Variants in PAX6 observed in about 807,000 individuals in gnomAD.
PAX6 encodes the protein paired box protein Pax-6.
A neutral mutation model predicts 60.7 loss-of-function variants in PAX6; 7 were observed. That is an observed-to-expected ratio of 0.12 (90% CI 0.07 to 0.22). The LOEUF (loss-of-function observed/expected upper bound fraction) is 0.22. PAX6 is among the 10% of genes least tolerant of loss of function. The pLI, the probability that PAX6 is intolerant of heterozygous loss-of-function variation, is 1.00. For missense variants in PAX6, 355 were observed against 555.2 expected, an observed-to-expected ratio of 0.64 and a Z score of 3.62; for synonymous variants, 208 against 201.2, an observed-to-expected ratio of 1.03 and a Z score of -0.29.
intron 2 of PAX6, chr11:31,808,838 G>T (rs113366893): frequency 2.6e-5 from 4 of 152,220 alleles, no homozygotes; most frequent in Admixed American, 1.3e-4. Flanking sequence ...ATCGACACCC[G>T]GAAGCAGTCC....
chr11:31,790,039 A>T lies in PAX6; in HGVS notation c.1226-20T>A. On this transcript the variant is annotated intron_variant, in intron 13 of 13. Coordinates refer to ENST00000640368, the MANE Select transcript of PAX6 (RefSeq NM_001368894.2). Reference sequence around the variant, plus strand: ...TGAGTCCTAGAAGTGGATGAAAGAAATAGCCATGTAGATATTCCCTTTGAG... The same window carrying T: ...TGAGTCCTAGAAGTGGATGAAAGAATTAGCCATGTAGATATTCCCTTTGAG... 1 of 1,472,142 alleles carries T rather than the reference A, an allele frequency of 6.8e-7. No individual in the cohort carries two copies. The highest frequency in any genetic ancestry group is 9.4e-7 in the Non-Finnish European group (1 of 1,064,436). 91.2% of individuals were successfully genotyped at this position (1,472,142 alleles called of 1,614,324 possible).
intron 2 of PAX6, chr11:31,807,909 G>GA (rs57027121): frequency 0.044 from 6,045 of 136,554 alleles, 365 homozygotes; most frequent in African/African-American, 0.14. Flanking sequence ...TTTCCCAAAG[G>GA]AAAAAAAAAA....
Position 31,806,529 on chromosome 11 carries a change from A to T in PAX6, c.-51-67T>A, listed in dbSNP as rs1470882649. 4.0e-6 allele frequency: 5 copies of T among 1,239,454 alleles called. No individual in the cohort carries two copies. The Admixed American group carries it at 5.9e-5, about 15-fold the overall frequency. The allele number at this position is 1,239,454 out of a possible 1,614,324, so 76.8% of individuals were successfully genotyped here. On this transcript the variant is annotated intron_variant, in intron 3 of 13. Coordinates refer to ENST00000640368, the MANE Select transcript of PAX6 (RefSeq NM_001368894.2). ...TCAGGTAGGCCTGAACTCCCAACCGAGGTGGACCTGGGGCTAGGACAGGAG... is the reference window on the plus strand; with the variant it reads ...TCAGGTAGGCCTGAACTCCCAACCGTGGTGGACCTGGGGCTAGGACAGGAG...
At position 31,794,724 on chromosome 11, in the gene PAX6, A is replaced by C. The variant is rs3026383; in HGVS notation, c.630T>G (p.Asp210Glu). The C allele has an allele frequency of 1.2e-6, 2 of 1,614,118 alleles. 1 individual carries two copies. Among genetic ancestry groups the C allele is most frequent in the Admixed American group, 3.3e-5 (2 of 60,020 alleles). The change falls in exon 9 of 14, where the codon GAT becomes GAG. Residue 210 changes from aspartate to glutamate, a missense_variant. Asp to Glu is a conservative substitution (Grantham distance 45). Transcript: ENST00000640368. ...GAAGTCGCATTTGAGCCTCATCTGA[A>C]TCTTCTCCGTTGGAACTGATGGAGT... The part of the protein sequence containing the change: ...NTNSISSNGE[D>E]SDEAQMRLQL...
chr11:31,806,171 G>C, intron 4 of PAX6: 1 of 496,492 alleles, frequency 2.0e-6, no homozygotes, highest in South Asian at 3.4e-5. Context: ...AACTCGGGCG[G>C]GCTGTTCTTA....
intron 7 of PAX6, 121 bp from the exon 8 acceptor site, chr11:31,800,977 C>T: frequency 9.7e-7 from 1 of 1,031,108 alleles, no homozygotes; most frequent in Non-Finnish European, 1.5e-6. Flanking sequence ...CCCAGCCACC[C>T]CGGGACAGTG....
intron 4 of PAX6, 124 bp from the exon 5 acceptor site, chr11:31,802,958 G>C: frequency 1.0e-6 from 1 of 982,588 alleles, no homozygotes; most frequent in East Asian, 2.6e-5. Flanking sequence ...GAGGAGGAAG[G>C]GGAAGAGGAA....
At position 31,793,571 on chromosome 11, in the gene PAX6, G is replaced by A; in HGVS notation, c.959-18C>T. ...GGAGGAAACTGAGGGCAAGAGAAAT[G>A]ACAGTAGTCAGAGTGAGAGTCAGAG... On this transcript the variant is annotated intron_variant, in intron 11 of 13. Transcript: ENST00000640368. 2 of 1,613,560 alleles carry A rather than the reference G, an allele frequency of 1.2e-6. No individual in the cohort carries two copies. Among genetic ancestry groups the A allele is most frequent in the Middle Eastern group, 1.7e-4 (1 of 6,056 alleles).
At chr11:31,801,458 A>G in intron 7 of PAX6, 103 bp downstream of exon 7, 1 of 1,592,474 alleles carries the variant, frequency 6.3e-7, no homozygotes, top group Admixed American at 1.8e-5. Context: ...GAGCAGGGAG[A>G]GGACACAGAC....
chr11:31,802,577 C>G, intron 5 of PAX6, 127 bp downstream of exon 5: 1 of 816,962 alleles, frequency 1.2e-6, no homozygotes, highest in Non-Finnish European at 1.7e-6. Context: ...GGTGGGGGGA[C>G]TGGGGACTGG....
chr11:31,813,619 G>A (rs1957237543), upstream of PAX6, among the ~76,000 whole-genome samples: 1 of 152,068 alleles, frequency 6.6e-6, no homozygotes, highest in Non-Finnish European at 1.5e-5. Flanking sequence ...AATCAGAAAA[G>A]GCAAGGAGCG....
intron 8 of PAX6, among the ~76,000 whole-genome samples, chr11:31,796,280 G>A (rs1335018457): frequency 6.6e-6 from 1 of 152,126 alleles, no homozygotes; most frequent in Non-Finnish European, 1.5e-5. Context: ...AACTTTCGTG[G>A]GCAGAATTTT....
At chr11:31,790,117 A>AAAAAC in intron 13 of PAX6, 98 bp from the exon 14 acceptor site, 2 of 779,982 alleles carry the variant, frequency 2.6e-6, no homozygotes, top group East Asian at 2.7e-5. Flanking sequence ...AAAAAAAAAA[A>AAAAAC]AAACTAATAC....
chr11:31,812,210 A>C (rs909613203), upstream of PAX6: 6 of 88,866 alleles, frequency 6.8e-5, no homozygotes, highest in Non-Finnish European at 1.3e-4. Context: ...GCCCGAGAGG[A>C]GGGGAAGCCA....
chr11:31,816,580 G>T (rs4440995), intron 1 of PAX6: 1 of 702,478 alleles, frequency 1.4e-6, no homozygotes, highest in Non-Finnish European at 2.6e-6. Flanking sequence ...CGAAGCAGGC[G>T]ACCTGCTCGC....
intron 4 of PAX6, chr11:31,803,242 A>G (rs1262455611): frequency 8.1e-6 from 2 of 245,956 alleles, no homozygotes; most frequent in Non-Finnish European, 1.6e-5. Context: ...CCCTCTTCAT[A>G]AACACTGCAG....
At position 31,790,843 on chromosome 11, in the gene PAX6, C is replaced by T. The variant is rs1355495963; in HGVS notation, c.1092G>A (p.Gln364=). The T allele has an allele frequency of 6.2e-7, 1 of 1,613,944 alleles. No homozygotes were observed. The highest frequency in any genetic ancestry group is 8.5e-7 in the Non-Finnish European group (1 of 1,180,008). Residue 364 remains glutamine (Q), a synonymous_variant, in exon 13 of 14, where the codon CAG becomes CAA. Coordinates refer to ENST00000640368, the MANE Select transcript of PAX6 (RefSeq NM_001368894.2). ...NLPMQPPVPS[Q]TSSYSCMLPT... ...GCAGCATGCAGGAGTATGAGGAGGT[C>T]TGGCTGGGGACTGGGGGCTGTGAGG...
rs550272567 is a variant in PAX6, at chr11:31,798,174, A to G, written c.565+2517T>C. Among the ~76,000 whole-genome samples the G allele has an allele frequency of 1.4e-4, 19 of 136,892 alleles. No individual in the cohort carries two copies. The East Asian group carries it at 4.1e-3, about 29-fold the overall frequency. The allele number at this position is 136,892 out of a possible 152,430, so 89.8% of individuals were successfully genotyped here. A position where few individuals can be genotyped will look rare whatever the true frequency, so the allele number is the denominator to read the frequency against. On this transcript the variant is annotated intron_variant, in intron 8 of 13. Coordinates refer to ENST00000640368, the MANE Select transcript of PAX6 (RefSeq NM_001368894.2). ...ATCTGTTGAAAGAGAGGCTGACTAA[A>G]TCCTATAGAGGGCTTGGGTATTATG...
intron 12 of PAX6, chr11:31,793,119 T>G: frequency 1.7e-6 from 1 of 604,224 alleles, no homozygotes; most frequent in East Asian, 2.7e-5. Flanking sequence ...TTATTTCCAC[T>G]TTCTGGTGCA....
Sources: gnomAD v4.1 joint callset for allele counts (sites outside exome capture counted in the v4.1 genomes callset) on GRCh38, gnomAD v4.1.1 for gene constraint, MANE v1.5 for transcripts, NCBI Gene and HGNC (gene_info 2026-07-23, HGNC 2026-07-21) for gene names.